Variants in NBPF14 observed in about 807,000 individuals in gnomAD.
NBPF14 encodes NBPF family member NBPF14.
In NBPF14, 104 loss-of-function variants were observed where a neutral mutation model predicts 91.2. That is an observed-to-expected ratio of 1.14 (90% CI 0.97 to 1.34). NBPF14 has a LOEUF of 1.34. Ranked by LOEUF, NBPF14 falls within the 40% of genes most tolerant of loss-of-function variation. NBPF14 has a pLI of 0.00. For synonymous variants in NBPF14, 294 were observed against 303.8 expected (o/e 0.97, Z 0.34); for missense variants, 908 against 783.0 (o/e 1.16, Z -1.91).
chr1:148,571,236 C>A (rs1248197357), intron 22 of NBPF14, among the ~76,000 whole-genome samples, 199 bp from the exon 23 acceptor site: 1 of 76,358 alleles, frequency 1.3e-5, no homozygotes, highest in Admixed American at 1.2e-4. Context: ...GACAGATAGA[C>A]ACACACACAC....
intron 9 of NBPF14, among the ~76,000 whole-genome samples, chr1:148,585,441 A>T (rs1323462026): frequency 4.6e-5 from 7 of 151,796 alleles, no homozygotes; most frequent in African/African-American, 1.7e-4. Flanking sequence ...TATTGAAAAG[A>T]CCTTTTGCTT....
At chr1:148,542,159 C>T (rs1376346732) in intron 59 of NBPF14, among the ~76,000 whole-genome samples, 3 of 104,800 alleles carry the variant, frequency 2.9e-5, no homozygotes, top group South Asian at 3.5e-4. Flanking sequence ...AGGAGAAAAA[C>T]TGCAATATTT....
intron 37 of NBPF14, among the ~76,000 whole-genome samples, chr1:148,559,567 G>C (rs1657282409): frequency 8.2e-6 from 1 of 122,368 alleles, no homozygotes; most frequent in Non-Finnish European, 1.6e-5. Context: ...AGTAGGATTA[G>C]GGCGCCACAG....
intron 17 of NBPF14, 75 bp downstream of exon 17, chr1:148,575,564 G>A: frequency 1.8e-5 from 2 of 112,028 alleles, no homozygotes; most frequent in Non-Finnish European, 3.0e-5. Flanking sequence ...TCAGTAAGGG[G>A]CACTTGGAAC....
At chr1:148,589,987 C>A (rs1662187343) in intron 6 of NBPF14, among the ~76,000 whole-genome samples, 1 of 146,230 alleles carries the variant, frequency 6.8e-6, no homozygotes, top group Non-Finnish European at 1.5e-5. Flanking sequence ...CCACCTCAGC[C>A]TCCCAAAGTG....
At chr1:148,592,815 T>G (rs1662711251) in intron 3 of NBPF14, 49 bp from the exon 4 acceptor site, 2 of 1,245,200 alleles carry the variant, frequency 1.6e-6, no homozygotes, top group Non-Finnish European at 2.3e-6. Flanking sequence ...GGTTGAGTGA[T>G]CCGTTCAAAT....
chr1:148,542,203 G>T (rs1655663484), intron 59 of NBPF14, among the ~76,000 whole-genome samples: 1 of 85,444 alleles, frequency 1.2e-5, no homozygotes, highest in South Asian at 4.9e-4. Flanking sequence ...GATTGTTCAT[G>T]GTTGTGAGGA....
At chr1:148,532,956 T>A in exon 71 of NBPF14, 1 of 567,360 alleles carries the variant, frequency 1.8e-6, no homozygotes, top group South Asian at 2.1e-5. Context: ...TTCACTTGCC[T>A]ATAGGTCCTG....
exon 2 of NBPF14, chr1:148,595,593 C>T (rs1663187809): frequency 6.3e-7 from 1 of 1,579,854 alleles, no homozygotes; most frequent in Admixed American, 1.7e-5. Context: ...AGTTAGAAAA[C>T]ATTTCTCTTT....
At position 148,541,997 on chromosome 1, in the gene NBPF14, T is replaced by C. The variant is rs1288074076; in HGVS notation, c.7376-158A>G. 5.2e-5 allele frequency among the ~76,000 whole-genome samples: 2 copies of C among 38,110 alleles called. 1 individual carries two copies. The highest frequency in any genetic ancestry group is 7.5e-5 in the Non-Finnish European group (2 of 26,562). 25.0% of individuals were successfully genotyped at this position (38,110 alleles called of 152,430 possible). ...CAGGAGGCCTGAAGGCTGGTTATGA[T>C]AGAAATTCCTCGGTTTTTCTCCCAG... On this transcript the variant is annotated intron_variant, in intron 59 of 70. Coordinates refer to ENST00000619423, the Ensembl canonical transcript of NBPF14.
rs1659660703 is a variant in NBPF14, at chr1:148,576,086, C to T, written c.2079-275G>A. Among the ~76,000 whole-genome samples, 16 of 142,930 alleles carry T rather than the reference C, an allele frequency of 1.1e-4. No homozygotes were observed. The South Asian group carries it at 3.6e-3, about 32-fold the overall frequency. 93.8% of individuals were successfully genotyped at this position (142,930 alleles called of 152,430 possible). A position where few individuals can be genotyped will look rare whatever the true frequency, so the allele number is the denominator to read the frequency against. ...ACACTGATGAAGGGGTTAAAGGACA[C>T]TCTGAGTTAGTGCCCTCGGGACACA... On this transcript the variant is annotated intron_variant, in intron 16 of 70. Transcript: ENST00000619423.
intron 41 of NBPF14, 53 bp downstream of exon 41, chr1:148,556,637 C>A: frequency 1.3e-5 from 1 of 78,878 alleles, no homozygotes; most frequent in Non-Finnish European, 2.0e-5. Flanking sequence ...GGAATATGAT[C>A]TTTATATGGA....
intron 2 of NBPF14, among the ~76,000 whole-genome samples, chr1:148,594,282 C>G (rs1662962198): frequency 7.1e-6 from 1 of 141,082 alleles, no homozygotes; most frequent in Non-Finnish European, 1.5e-5. Flanking sequence ...GTATGAGAGG[C>G]AGCATTAAGA....
At chr1:148,542,153 G>A (rs1655647677) in intron 59 of NBPF14, among the ~76,000 whole-genome samples, 1 of 104,856 alleles carries the variant, frequency 9.5e-6, no homozygotes, top group Admixed American at 8.4e-5. Flanking sequence ...ATTTCTAGGA[G>A]AAAAACTGCA....
rs1401657000 is a variant in NBPF14, at chr1:148,578,830, C to T, written c.1801+244G>A. Among the ~76,000 whole-genome samples the T allele has an allele frequency of 6.3e-4, 94 of 149,990 alleles. 2 individuals carry two copies. In the Middle Eastern group the frequency reaches 0.01, roughly 16 times the overall value. ...GCCACACCTGCCTTGAGTTCAATGTCGTGACAGTCAGTCCAGGTTGGCATG... is the reference window on the plus strand; with the variant it reads ...GCCACACCTGCCTTGAGTTCAATGTTGTGACAGTCAGTCCAGGTTGGCATG... On this transcript the variant is annotated intron_variant, in intron 13 of 70. Coordinates refer to ENST00000619423, the Ensembl canonical transcript of NBPF14.
chr1:148,533,931 T>A lies in NBPF14; in HGVS notation c.8653A>T (p.Arg2885Ter). The A allele has an allele frequency of 1.3e-6, 1 of 743,538 alleles. No individual in the cohort carries two copies. Among genetic ancestry groups the A allele is most frequent in the South Asian group, 1.4e-5 (1 of 72,592 alleles). 46.1% of individuals were successfully genotyped at this position (743,538 alleles called of 1,614,324 possible). Residue 2885 changes from arginine to a stop codon, truncating the protein, a stop_gained, in exon 70 of 71, where the codon AGA becomes TGA. Transcript: ENST00000619423. LOFTEE classifies it high-confidence loss of function. ...CTTCTTCTTTCCTTCTTTGATCTTC[T>A]TCCCCTTCTTTTTTTCCCCTTCCCC... is the stretch of plus-strand genomic sequence containing the variant.
intron 69 of NBPF14, 115 bp downstream of exon 69, chr1:148,534,569 G>A (rs1227622339): frequency 3.9e-6 from 3 of 778,360 alleles, no homozygotes; most frequent in Middle Eastern, 3.5e-4. Flanking sequence ...GCGCCCATAG[G>A]TCCTGCCTGC....
intron 64 of NBPF14, among the ~76,000 whole-genome samples, chr1:148,538,209 C>G (rs1655342695): frequency 1.4e-5 from 1 of 72,660 alleles, no homozygotes; most frequent in East Asian, 5.0e-4. Flanking sequence ...GATAGACACA[C>G]ACACACACAC....
At chr1:148,551,788 T>G (rs1656251798) in intron 47 of NBPF14, among the ~76,000 whole-genome samples, 188 bp downstream of exon 47, 2 of 16,882 alleles carry the variant, frequency 1.2e-4, no homozygotes, top group African/African-American at 9.9e-4. Context: ...AAGAGAGTCT[T>G]GCTCACTGAC....
Sources: allele counts gnomAD v4.1 joint callset (sites outside exome capture counted in the v4.1 genomes callset), GRCh38; gene constraint gnomAD v4.1.1; transcripts MANE v1.5; gene names NCBI Gene and HGNC (gene_info 2026-07-23, HGNC 2026-07-21).